The following SCN11A variants were observed in gnomAD, a reference collection of about 807,000 sequenced individuals.
SCN11A encodes the protein sodium voltage-gated channel alpha subunit 11, also known as sodium channel protein type 11 subunit alpha.
In SCN11A, 122 loss-of-function variants were observed where a neutral mutation model predicts 162.2. The ratio of observed to expected loss-of-function variants is 0.75; its 90% confidence interval spans 0.65 to 0.87. The LOEUF is 0.87. SCN11A is among the 40% of genes least tolerant of loss of function. SCN11A has a pLI of 0.00. For synonymous variants in SCN11A, 758 were observed against 751.5 expected (o/e 1.01, Z -0.14); for missense variants, 2,015 against 2,181.6 (o/e 0.92, Z 1.52).
At chr3:38,861,248 C>A (rs939886280) in intron 28 of SCN11A, among the ~76,000 whole-genome samples, 2 of 152,072 alleles carry the variant, frequency 1.3e-5, no homozygotes, top group East Asian at 3.8e-4. Context: ...ATTAATGACA[C>A]AAACAAATGG....
intron 24 of SCN11A, 72 bp from the exon 25 acceptor site, chr3:38,871,780 T>C (rs1575227663): frequency 4.8e-6 from 6 of 1,240,656 alleles, no homozygotes; most frequent in African/African-American, 1.5e-5. Context: ...CTTCTCAGCA[T>C]GGGCCTGATG....
intron 2 of SCN11A, among the ~76,000 whole-genome samples, chr3:39,015,083 C>G (rs764938542): frequency 1.4e-4 from 22 of 152,144 alleles, no homozygotes; most frequent in Non-Finnish European, 1.6e-4. Flanking sequence ...AATTTAATTG[C>G]CATTGTAGCA....
At chr3:38,947,002 A>G in intron 5 of SCN11A, 95 bp from the exon 6 acceptor site, 1 of 731,846 alleles carries the variant, frequency 1.4e-6, no homozygotes. Flanking sequence ...ATTCATTTAG[A>G]GAAAATTATA....
Position 38,919,956 on chromosome 3 carries a change from C to T in SCN11A, c.938G>A (p.Cys313Tyr), listed in dbSNP as rs1483985149. Residue 313 changes from cysteine to tyrosine, a missense_variant, in exon 11 of 30, where the codon TGT becomes TAT. Coordinates refer to ENST00000302328, the MANE Select transcript of SCN11A (RefSeq NM_001349253.2). ...TTACCTGTTACCCATCCAGATGCCA[C>T]ACATTTTGAATTCAGGTGAATTTTC... ...KKENSPEFKMCGIWMGNSACS... is the reference protein window; with the variant it reads ...KKENSPEFKMYGIWMGNSACS... 1.2e-6 allele frequency: 2 copies of T among 1,613,448 alleles called. No homozygotes were observed. Among genetic ancestry groups the T allele is most frequent in the South Asian group, 1.1e-5 (1 of 91,078 alleles).
At chr3:39,010,440 C>T (rs116765018) in intron 2 of SCN11A, among the ~76,000 whole-genome samples, 6,396 of 148,948 alleles carry the variant, frequency 0.043, 252 homozygotes, top group African/African-American at 0.11. Flanking sequence ...AGTGCAGTGG[C>T]GCATCTCTGC....
chr3:39,044,809 GAAAT>G (rs1368949563), intron 1 of SCN11A, among the ~76,000 whole-genome samples: 1 of 151,808 alleles, frequency 6.6e-6, no homozygotes, highest in Non-Finnish European at 1.5e-5. Context: ...CATAAGGAAA[GAAAT>G]AATAAAGATT....
rs759524863 is a variant in SCN11A at position 38,846,842 on chromosome 3, GC to G, written c.5227del (p.Ala1743ProfsTer6). 1.2e-6 allele frequency: 2 copies of G among 1,614,000 alleles called. No individual in the cohort carries two copies. The highest frequency in any genetic ancestry group is 4.5e-5 in the East Asian group (2 of 44,856). ...CACCTTCATCATGTACTTTCGAAAGGCCTTTTGAATAATAGCAGCACCTCTT... is the reference window on the plus strand; with the variant it reads ...CACCTTCATCATGTACTTTCGAAAGGCTTTTGAATAATAGCAGCACCTCTT... ...EERGAAIIQKAFRKYMMKVTK... is the reference protein window; with the variant it reads ...EERGAAIIQKXFRKYMMKVTK... On this transcript the variant is annotated frameshift_variant, in exon 30 of 30. Coordinates refer to ENST00000302328, the MANE Select transcript of SCN11A (RefSeq NM_001349253.2). LOFTEE classifies it low-confidence loss of function (END_TRUNC).
chr3:38,980,154 C>T (rs911765160), intron 2 of SCN11A, among the ~76,000 whole-genome samples: 14 of 151,738 alleles, frequency 9.2e-5, no homozygotes, highest in Admixed American at 5.2e-4. Flanking sequence ...GCTGGGTGCT[C>T]GTAAATGCTG....
At chr3:38,880,877 G>C (rs1485666864) in intron 22 of SCN11A, among the ~76,000 whole-genome samples, 1 of 152,090 alleles carries the variant, frequency 6.6e-6, no homozygotes, top group Non-Finnish European at 1.5e-5. Flanking sequence ...TAGCGTATAA[G>C]CTGTCCTTTT....
intron 2 of SCN11A, among the ~76,000 whole-genome samples, chr3:38,992,605 A>G (rs2030486985): frequency 6.6e-6 from 1 of 152,178 alleles, no homozygotes; most frequent in South Asian, 2.1e-4. Context: ...CTTTTACTTG[A>G]TTCATTTCAA....
chr3:38,940,625 C>A (rs976275305), intron 7 of SCN11A, among the ~76,000 whole-genome samples: 1 of 152,080 alleles, frequency 6.6e-6, no homozygotes, highest in Non-Finnish European at 1.5e-5. Context: ...ACTATGAAGT[C>A]AGATCTATTT....
intron 16 of SCN11A, among the ~76,000 whole-genome samples, chr3:38,901,046 T>G (rs2065691124): frequency 6.6e-6 from 1 of 151,952 alleles, no homozygotes; most frequent in Non-Finnish European, 1.5e-5. Flanking sequence ...ACAAAAATAA[T>G]AAGGTAATAT....
chr3:39,042,474 C>T (rs2032071611), intron 1 of SCN11A, among the ~76,000 whole-genome samples: 1 of 151,964 alleles, frequency 6.6e-6, no homozygotes, highest in Non-Finnish European at 1.5e-5. Flanking sequence ...GCAACCAAAG[C>T]AAAAATGAAC....
In SCN11A at chr3:38,846,597, A is replaced by G; in HGVS notation, c.*97T>C. Reference sequence around the variant, plus strand: ...AGAAAATGGAATGGCTAATTTGGTGAATCCACTCCCTGTTGATACACTAAG... The same window carrying G: ...AGAAAATGGAATGGCTAATTTGGTGGATCCACTCCCTGTTGATACACTAAG... On this transcript the variant is annotated 3_prime_UTR_variant, in exon 30 of 30. Transcript: ENST00000302328. The G allele has an allele frequency of 1.1e-6, 1 of 869,814 alleles. No individual in the cohort carries two copies. The highest frequency in any genetic ancestry group is 1.6e-5 in the South Asian group (1 of 61,552). 53.9% of individuals were successfully genotyped at this position (869,814 alleles called of 1,614,324 possible).
chr3:38,889,522 G>C (rs926206723), intron 19 of SCN11A, among the ~76,000 whole-genome samples: 1 of 151,534 alleles, frequency 6.6e-6, no homozygotes, highest in South Asian at 2.1e-4. Flanking sequence ...AATGCTGGCC[G>C]GGCGCGGTGG....
chr3:39,036,278 G>A (rs1041270128), intron 1 of SCN11A, among the ~76,000 whole-genome samples: 1 of 152,152 alleles, frequency 6.6e-6, no homozygotes, highest in African/African-American at 2.4e-5. Flanking sequence ...CCAAGTAGCT[G>A]GGATTATAGC....
intron 2 of SCN11A, among the ~76,000 whole-genome samples, chr3:39,027,531 A>T (rs1192852545): frequency 6.6e-6 from 1 of 152,208 alleles, no homozygotes; most frequent in African/African-American, 2.4e-5. Flanking sequence ...CAGCATTGGC[A>T]CTCAGCTGTG....
chr3:39,011,777 C>T (rs1381822151), intron 2 of SCN11A, among the ~76,000 whole-genome samples: 1 of 152,144 alleles, frequency 6.6e-6, no homozygotes, highest in African/African-American at 2.4e-5. Flanking sequence ...AAAATGGTCC[C>T]TGCTCTGTCT....
chr3:38,918,680 G>T (rs2065999187), intron 11 of SCN11A, among the ~76,000 whole-genome samples: 1 of 152,186 alleles, frequency 6.6e-6, no homozygotes, highest in Non-Finnish European at 1.5e-5. Context: ...TATCAATGCA[G>T]TGTGTGCTGT....
Sources: allele counts gnomAD v4.1 joint callset (sites outside exome capture counted in the v4.1 genomes callset), GRCh38; gene constraint gnomAD v4.1.1; transcripts MANE v1.5; gene names NCBI Gene and HGNC (gene_info 2026-07-23, HGNC 2026-07-21).